Variants in CHCHD6 observed in about 807,000 individuals in gnomAD.
CHCHD6 encodes MICOS complex subunit MIC25.
In CHCHD6, 28 loss-of-function variants were observed where a neutral mutation model predicts 32.3. The ratio of observed to expected loss-of-function variants is 0.87; its 90% CI spans 0.64 to 1.19. CHCHD6 has a LOEUF of 1.19. Among genes scored for constraint, CHCHD6 ranks in the 50% most tolerant of loss-of-function variants. The probability of loss-of-function intolerance (pLI) is 0.00; values close to 1 mark genes in which losing one functional copy is unlikely to be tolerated. For missense variants in CHCHD6, 333 were observed against 307.0 expected, an observed-to-expected ratio of 1.08 and a Z score of -0.63; for synonymous variants, 122 against 117.5, an observed-to-expected ratio of 1.04 and a Z score of -0.25.
chr3:126,879,728 A>G (rs1019030341), intron 5 of CHCHD6, among the ~76,000 whole-genome samples: 1 of 152,222 alleles, frequency 6.6e-6, no homozygotes, highest in Non-Finnish European at 1.5e-5. Flanking sequence ...CATTGTGCTG[A>G]TGTGAAATAT....
intron 4 of CHCHD6, among the ~76,000 whole-genome samples, chr3:126,786,018 C>T (rs1938190012): frequency 6.6e-6 from 1 of 152,172 alleles, no homozygotes; most frequent in Non-Finnish European, 1.5e-5. Context: ...TGATGTTCCC[C>T]TTCCTGTGTC....
chr3:126,880,635 C>T (rs182936877), intron 5 of CHCHD6, among the ~76,000 whole-genome samples: 2 of 152,298 alleles, frequency 1.3e-5, no homozygotes, highest in East Asian at 1.9e-4. Flanking sequence ...GACCCACTCA[C>T]ACTATCTGGG....
At chr3:126,921,643 A>G (rs903105049) in intron 6 of CHCHD6, among the ~76,000 whole-genome samples, 5 of 152,314 alleles carry the variant, frequency 3.3e-5, no homozygotes, top group Admixed American at 1.3e-4. Context: ...GAAGAAGGTT[A>G]TTAACTATTT....
chr3:126,902,624 G>A (rs1355493965), intron 5 of CHCHD6, among the ~76,000 whole-genome samples: 5 of 151,344 alleles, frequency 3.3e-5, no homozygotes, highest in Admixed American at 2.6e-4. Context: ...GGCTGAGGCA[G>A]CAGAATGGCG....
chr3:126,842,036 C>T (rs1463405414), intron 4 of CHCHD6, among the ~76,000 whole-genome samples: 1 of 152,138 alleles, frequency 6.6e-6, no homozygotes, highest in Non-Finnish European at 1.5e-5. Flanking sequence ...ATGGCTTGAG[C>T]CCAGGAGTTC....
At chr3:126,884,536 T>C (rs2077654178) in intron 5 of CHCHD6, among the ~76,000 whole-genome samples, 1 of 152,102 alleles carries the variant, frequency 6.6e-6, no homozygotes, top group African/African-American at 2.4e-5. Flanking sequence ...AATTCATCTG[T>C]GTGAAGGAAA....
chr3:126,723,302 A>G (rs905513199), intron 1 of CHCHD6, among the ~76,000 whole-genome samples: 2 of 152,152 alleles, frequency 1.3e-5, no homozygotes, highest in Non-Finnish European at 2.9e-5. Flanking sequence ...AAGATGCAAA[A>G]GTTCCAAAAG....
intron 6 of CHCHD6, among the ~76,000 whole-genome samples, chr3:126,934,678 A>G (rs912401103): frequency 1.3e-5 from 2 of 150,016 alleles, no homozygotes; most frequent in African/African-American, 4.9e-5. Context: ...CCTCCTGAGT[A>G]TCTGGGACTA....
chr3:126,757,743 A>G (rs1937015805), intron 4 of CHCHD6, among the ~76,000 whole-genome samples: 1 of 152,178 alleles, frequency 6.6e-6, no homozygotes, highest in Admixed American at 6.5e-5. Context: ...AAGAAAACAC[A>G]GCAGGGATTG....
At chr3:126,895,754 C>G (rs1035238689) in intron 5 of CHCHD6, among the ~76,000 whole-genome samples, 1 of 152,232 alleles carries the variant, frequency 6.6e-6, no homozygotes, top group African/African-American at 2.4e-5. Context: ...CCCCATCCCC[C>G]ACCCCTTCCA....
intron 6 of CHCHD6, among the ~76,000 whole-genome samples, chr3:126,947,088 G>A (rs1431247169): frequency 3.9e-5 from 6 of 152,270 alleles, no homozygotes; most frequent in Non-Finnish European, 7.3e-5. Flanking sequence ...GTCTGGTCCC[G>A]AATCCCTCTT....
intron 6 of CHCHD6, among the ~76,000 whole-genome samples, chr3:126,941,000 G>T (rs12493526): frequency 0.63 from 96,367 of 152,002 alleles, 31,665 homozygotes; most frequent in East Asian, 0.82. Flanking sequence ...ACTTTTGCTT[G>T]TTGGAAGTTG....
intron 4 of CHCHD6, among the ~76,000 whole-genome samples, chr3:126,734,591 C>T (rs901215275): frequency 7.2e-5 from 11 of 152,230 alleles, no homozygotes; most frequent in African/African-American, 2.2e-4. Flanking sequence ...ATGTAGGATC[C>T]TAGCCCTCGG....
chr3:126,927,086 C>G (rs1314586880), intron 6 of CHCHD6, among the ~76,000 whole-genome samples: 1 of 152,144 alleles, frequency 6.6e-6, no homozygotes, highest in Non-Finnish European at 1.5e-5. Flanking sequence ...CTCTGACATT[C>G]AAGCAGAACT....
In CHCHD6 at chr3:126,956,018, G is replaced by A. The variant is rs977730166; in HGVS notation, c.567-1398G>A. Among the ~76,000 whole-genome samples, 45 of 152,216 alleles carry A rather than the reference G, an allele frequency of 3.0e-4. 1 individual carries two copies. The highest frequency in any genetic ancestry group is 3.8e-4 in the Non-Finnish European group (26 of 68,042). ...CTTCCAGAGCAAGACAGCTAAATAT[G>A]GGGTCCTGTTCCCAAGCTGTCGAGC... On this transcript the variant is annotated intron_variant, in intron 6 of 7. Coordinates refer to ENST00000290913, the MANE Select transcript of CHCHD6 (RefSeq NM_032343.3).
At position 126,723,423 on chromosome 3, in the gene CHCHD6, T is replaced by G. The variant is rs141160411; in HGVS notation, c.88-3655T>G. On this transcript the variant is annotated intron_variant, in intron 1 of 7. Transcript: ENST00000290913. ...CTTGGAGCAGATCTGTATATGTGTC[T>G]TATGTGCATGCATGTGAAATCCAAA... Among the ~76,000 whole-genome samples, 349 of 152,338 alleles carry G rather than the reference T, an allele frequency of 2.3e-3. 1 individual carries two copies. Among genetic ancestry groups the G allele is most frequent in the Middle Eastern group, 0.01 (3 of 294 alleles).
At chr3:126,753,307 C>T (rs374376624) in intron 4 of CHCHD6, among the ~76,000 whole-genome samples, 1 of 152,146 alleles carries the variant, frequency 6.6e-6, no homozygotes, top group East Asian at 1.9e-4. Context: ...TATGGTCATG[C>T]TTGCTTGTTT....
intron 5 of CHCHD6, among the ~76,000 whole-genome samples, chr3:126,864,302 A>C (rs1306684332): frequency 3.3e-3 from 226 of 68,198 alleles, no homozygotes; most frequent in Middle Eastern, 0.013. Flanking sequence ...CCACCACCTC[A>C]TCCTTCTCTG....
rs559340168 is a variant in CHCHD6 at position 126,786,869 on chromosome 3, T to G, written c.411+53647T>G. On this transcript the variant is annotated intron_variant, in intron 4 of 7. Transcript: ENST00000290913. ...CAATTTTGGCTTTTGTTGCCATTGC[T>G]TTTGGTGTTTTAGACATGAAGTCCT... is the stretch of plus-strand genomic sequence containing the variant. Among the ~76,000 whole-genome samples, 21 of 152,266 alleles carry G rather than the reference T, an allele frequency of 1.4e-4. 1 individual carries two copies. In the South Asian group the frequency reaches 4.4e-3, roughly 32 times the overall value.
Sources: allele counts gnomAD v4.1 joint callset (sites outside exome capture counted in the v4.1 genomes callset), GRCh38; gene constraint gnomAD v4.1.1; transcripts MANE v1.5; gene names NCBI Gene and HGNC (gene_info 2026-07-23, HGNC 2026-07-21).